NCALD: variants seen among roughly 807,000 people sequenced by gnomAD.
NCALD encodes the protein neurocalcin-delta.
In NCALD, 10 loss-of-function variants were observed where a neutral mutation model predicts 18.6. That is an observed-to-expected ratio of 0.54 (90% CI 0.33 to 0.91). The LOEUF (loss-of-function observed/expected upper bound fraction) is 0.91, where lower values mean the gene tolerates loss of function less well. Ranked by LOEUF, NCALD falls within the 40% of genes least tolerant of loss-of-function variation. The probability of loss-of-function intolerance (pLI) is 0.03; values close to 1 mark genes in which losing one functional copy is unlikely to be tolerated. For missense variants in NCALD, 184 were observed against 247.6 expected (o/e 0.74, Z 1.72); for synonymous variants, 88 against 87.4 (o/e 1.01, Z -0.04).
At chr8:102,087,625 G>A (rs998232725) in intron 1 of NCALD, among the ~76,000 whole-genome samples, 3 of 152,154 alleles carry the variant, frequency 2.0e-5, no homozygotes, top group Admixed American at 6.5e-5. Context: ...GACCAAGACC[G>A]GGTTTGGCAC....
intron 3 of NCALD, 77 bp downstream of exon 3, chr8:101,692,714 G>T (rs897073018): frequency 1.4e-6 from 2 of 1,473,270 alleles, no homozygotes; most frequent in Admixed American, 3.5e-5. Context: ...GGCCTCGAGT[G>T]GCACTTCCCA....
intron 3 of NCALD, among the ~76,000 whole-genome samples, chr8:101,914,071 A>T (rs73282618): frequency 0.046 from 7,061 of 152,248 alleles, 259 homozygotes; most frequent in African/African-American, 0.1. Context: ...TAAACTCCAT[A>T]CTTTAATCAA....
chr8:102,105,717 G>C (rs1269192073), intron 1 of NCALD, among the ~76,000 whole-genome samples: 1 of 152,124 alleles, frequency 6.6e-6, no homozygotes, highest in Non-Finnish European at 1.5e-5. Flanking sequence ...AGGCCCAGCT[G>C]TACTTTGATT....
At chr8:101,947,890 C>T (rs1819238845) in intron 2 of NCALD, among the ~76,000 whole-genome samples, 1 of 152,206 alleles carries the variant, frequency 6.6e-6, no homozygotes, top group Middle Eastern at 3.4e-3. Flanking sequence ...GTGCAAAGGT[C>T]CTGAGGCAAG....
At chr8:101,849,770 C>T (rs527941672) in intron 4 of NCALD, among the ~76,000 whole-genome samples, 124 of 152,224 alleles carry the variant, frequency 8.1e-4, no homozygotes, top group African/African-American at 2.8e-3. Flanking sequence ...GACAAGCTAG[C>T]GCTAACTTCT....
upstream of NCALD, among the ~76,000 whole-genome samples, chr8:101,792,536 C>A (rs1311728609): frequency 6.6e-6 from 1 of 152,190 alleles, no homozygotes; most frequent in Non-Finnish European, 1.5e-5. Context: ...TGGGAATTTA[C>A]CTGTTTGAAC....
intron 1 of NCALD, among the ~76,000 whole-genome samples, chr8:101,731,235 C>A (rs2130584672): frequency 6.6e-6 from 1 of 152,260 alleles, no homozygotes; most frequent in East Asian, 1.9e-4. Flanking sequence ...GACGTCAGCA[C>A]CATCATGCGG....
At chr8:101,978,196 T>C (rs1197077124) in intron 2 of NCALD, among the ~76,000 whole-genome samples, 1 of 152,108 alleles carries the variant, frequency 6.6e-6, no homozygotes, top group Non-Finnish European at 1.5e-5. Flanking sequence ...ACTGTACTTA[T>C]GTATCCCAAC....
intron 4 of NCALD, among the ~76,000 whole-genome samples, chr8:101,852,935 C>T (rs898417302): frequency 6.6e-6 from 1 of 152,124 alleles, no homozygotes; most frequent in African/African-American, 2.4e-5. Flanking sequence ...ATACAAAATA[C>T]ATTTGCAGGC....
chr8:101,912,230 G>A (rs1267689637), intron 3 of NCALD, among the ~76,000 whole-genome samples: 1 of 151,014 alleles, frequency 6.6e-6, no homozygotes, highest in Non-Finnish European at 1.5e-5. Context: ...ATTATTGGCA[G>A]GCAGAATTTT....
chr8:101,876,923 G>C (rs1816251713), intron 4 of NCALD, among the ~76,000 whole-genome samples: 2 of 152,144 alleles, frequency 1.3e-5, no homozygotes. Flanking sequence ...CCAGTACAAA[G>C]CAAAAGTGGT....
chr8:101,907,471 A>G (rs944425561), intron 3 of NCALD, among the ~76,000 whole-genome samples: 1 of 151,342 alleles, frequency 6.6e-6, no homozygotes, highest in African/African-American at 2.4e-5. Context: ...TAAGAGGTTT[A>G]TTAAATTTTA....
At chr8:101,971,552 C>T (rs2046361880) in intron 2 of NCALD, among the ~76,000 whole-genome samples, 1 of 152,108 alleles carries the variant, frequency 6.6e-6, no homozygotes, top group Non-Finnish European at 1.5e-5. Context: ...GCCTTTGCTT[C>T]TCTCTCATCT....
intron 1 of NCALD, among the ~76,000 whole-genome samples, chr8:102,035,224 T>C (rs1483321497): frequency 4.1e-5 from 6 of 147,984 alleles, no homozygotes; most frequent in African/African-American, 1.2e-4. Context: ...TCTCGGTGAC[T>C]GCTTCAAAAA....
intron 2 of NCALD, among the ~76,000 whole-genome samples, chr8:102,016,848 C>T (rs1040887043): frequency 1.3e-5 from 2 of 152,132 alleles, no homozygotes; most frequent in African/African-American, 2.4e-5. Context: ...AAAACCCTCA[C>T]CTCATTGTCA....
intron 1 of NCALD, among the ~76,000 whole-genome samples, chr8:101,740,308 G>A (rs1363113730): frequency 6.6e-6 from 1 of 152,212 alleles, no homozygotes; most frequent in African/African-American, 2.4e-5. Flanking sequence ...TCTTGCATGA[G>A]TCCATAGGAC....
intron 3 of NCALD, among the ~76,000 whole-genome samples, chr8:101,895,466 C>T (rs1413726123): frequency 6.6e-6 from 1 of 151,402 alleles, no homozygotes; most frequent in Non-Finnish European, 1.5e-5. Flanking sequence ...GACAGGGATG[C>T]CCTCTCTCAC....
chr8:101,707,109 C>T (rs1003418985), intron 2 of NCALD, among the ~76,000 whole-genome samples: 1 of 152,140 alleles, frequency 6.6e-6, no homozygotes, highest in Non-Finnish European at 1.5e-5. Flanking sequence ...GAACTAGAAA[C>T]TCTTCCCCTG....
chr8:101,793,245 G>C (rs1812512108), upstream of NCALD, among the ~76,000 whole-genome samples: 1 of 151,902 alleles, frequency 6.6e-6, no homozygotes, highest in Non-Finnish European at 1.5e-5. Context: ...AGCTACTCAG[G>C]AGGCTGAGGC....
Sources: allele counts gnomAD v4.1 joint callset (sites outside exome capture counted in the v4.1 genomes callset), GRCh38; gene constraint gnomAD v4.1.1; transcripts MANE v1.5; gene names NCBI Gene and HGNC (gene_info 2026-07-23, HGNC 2026-07-21).